SV2B: variants seen among roughly 807,000 people sequenced by gnomAD.
The protein encoded by SV2B is synaptic vesicle glycoprotein 2B.
A neutral mutation model predicts 73.9 loss-of-function variants in SV2B; 41 were observed. The ratio of observed to expected loss-of-function variants is 0.56; its 90% CI spans 0.43 to 0.72. The LOEUF (loss-of-function observed/expected upper bound fraction) is 0.72. Ranked by LOEUF, SV2B falls within the 30% of genes least tolerant of loss-of-function variation. The probability of loss-of-function intolerance (pLI) is 0.00; values close to 1 mark genes in which losing one functional copy is unlikely to be tolerated. For missense variants in SV2B, 764 were observed against 857.8 expected (o/e 0.89, Z 1.37); for synonymous variants, 314 against 314.2 (o/e 1.00, Z 0.01).
chr15:91,200,858 C>A (rs80289545), intron 1 of SV2B, among the ~76,000 whole-genome samples: 1 of 152,078 alleles, frequency 6.6e-6, no homozygotes, highest in South Asian at 2.1e-4. Flanking sequence ...CTGCAGTGAG[C>A]CATGATCGTG....
chr15:91,297,792 GA>G lies in SV2B; in HGVS notation c.*5244del, dbSNP rs1413977835. ...GCAACAGTAACCCAAAAATGTCAAT[GA>G]AAATATTTCCTTCCCCAGAAACTGC... On this transcript the variant is annotated 3_prime_UTR_variant, in exon 13 of 13. Transcript: ENST00000394232. The surrounding 1 kb of genome is among the most constrained non-coding windows in gnomAD (Gnocchi z 5.1). The G allele has an allele frequency of 6.6e-6, 1 of 152,178 alleles. No individual in the cohort carries two copies. Among genetic ancestry groups the G allele is most frequent in the African/African-American group, 2.4e-5 (1 of 41,430 alleles). 9.4% of individuals were successfully genotyped at this position (152,178 alleles called of 1,614,324 possible). A position where few individuals can be genotyped will look rare whatever the true frequency, so the allele number is the denominator to read the frequency against.
chr15:91,262,650 C>G (rs1319552892), intron 6 of SV2B, among the ~76,000 whole-genome samples: 1 of 151,444 alleles, frequency 6.6e-6, no homozygotes, highest in Non-Finnish European at 1.5e-5. Flanking sequence ...GTTGGTTGTT[C>G]CCTTCTTTGT....
rs1200789480 is a variant in SV2B at position 91,188,288 on chromosome 15, TTTATTTATTTATTTATTTA to T, written c.-391-37582_-391-37564del. Among the ~76,000 whole-genome samples, 22 of 28,428 alleles carry T rather than the reference TTTATTTATTTATTTATTTA, an allele frequency of 7.7e-4. 1 individual carries two copies. Among genetic ancestry groups the T allele is most frequent in the Admixed American group, 6.5e-3 (21 of 3,240 alleles). 18.6% of individuals were successfully genotyped at this position (28,428 alleles called of 152,430 possible). ...GACAAAAGAATGTTCCTTATTTTTA[TTTATTTATTTATTTATTTA>T]TTTATTTATTTATTTATTTATTTTG... On this transcript the variant is annotated intron_variant, in intron 1 of 12. Transcript: ENST00000394232.
At chr15:91,230,068 C>A (rs939716042) in intron 2 of SV2B, among the ~76,000 whole-genome samples, 1 of 151,910 alleles carries the variant, frequency 6.6e-6, no homozygotes, top group Non-Finnish European at 1.5e-5. Flanking sequence ...TGGTGAAACC[C>A]GTGTCTACAA....
At position 91,234,862 on chromosome 15, in the gene SV2B, C is replaced by T. The variant is rs1049114905; in HGVS notation, c.451+8148C>T. ...ATTGGGGAAAGGAAAATAGTCAGAC[C>T]TTTTGAAGATACTTGCTCTGAACTG... On this transcript the variant is annotated intron_variant, in intron 2 of 12. Transcript: ENST00000394232. The surrounding 1 kb of genome is among the most constrained non-coding windows in gnomAD (Gnocchi z 5.6). 6.6e-6 allele frequency among the ~76,000 whole-genome samples: 1 copy of T among 152,116 alleles called. No individual in the cohort carries two copies. Among genetic ancestry groups the T allele is most frequent in the African/African-American group, 2.4e-5 (1 of 41,418 alleles).
chr15:91,281,650 C>G lies in SV2B; in HGVS notation c.1374-78C>G. ...TTGCTTGCACATCTCCTTTTTCTGC[C>G]TTGCTGTGTTTTCCATTTTGGTCTT... On this transcript the variant is annotated intron_variant, in intron 9 of 12. Transcript: ENST00000394232. This position sits in a 1 kb window ranked among gnomAD's most constrained non-coding sequence, Gnocchi z 4.7. 1 of 1,485,714 alleles carries G rather than the reference C, an allele frequency of 6.7e-7. No homozygotes were observed. The highest frequency in any genetic ancestry group is 9.0e-7 in the Non-Finnish European group (1 of 1,105,754). 92.0% of individuals were successfully genotyped at this position (1,485,714 alleles called of 1,614,324 possible).
At position 91,136,780 on chromosome 15, in the gene SV2B, C is replaced by T. The variant is rs2042841188; in HGVS notation, c.-392+36417C>T. On this transcript the variant is annotated intron_variant, in intron 1 of 12. Transcript: ENST00000394232. The surrounding 1 kb of genome is among the most constrained non-coding windows in gnomAD (Gnocchi z 5.6). Reference sequence around the variant, plus strand: ...GGGTTGACCAGCTCTCCTGCTGTGCCAAGAGGCATCTGAAGGCTGGCACAT... The same window carrying T: ...GGGTTGACCAGCTCTCCTGCTGTGCTAAGAGGCATCTGAAGGCTGGCACAT... Among the ~76,000 whole-genome samples the T allele has an allele frequency of 6.6e-6, 1 of 152,068 alleles. No homozygotes were observed. The highest frequency in any genetic ancestry group is 2.1e-4 in the South Asian group (1 of 4,814).
chr15:91,211,968 G>T (rs149118999), intron 1 of SV2B, among the ~76,000 whole-genome samples: 219 of 152,084 alleles, frequency 1.4e-3, no homozygotes, highest in African/African-American at 5.1e-3. Context: ...TAGACTTTCA[G>T]CCAGAAGAAT....
chr15:91,153,078 G>C (rs142481249), intron 1 of SV2B, among the ~76,000 whole-genome samples: 1 of 152,278 alleles, frequency 6.6e-6, no homozygotes, highest in East Asian at 1.9e-4. Flanking sequence ...ATGCAGAAGG[G>C]CTAAAGGGAT....
Position 91,284,319 on chromosome 15 carries a change from C to T in SV2B, c.1708+98C>T, listed in dbSNP as rs1015437316. 6 of 1,348,236 alleles carry T rather than the reference C, an allele frequency of 4.5e-6. No homozygotes were observed. Among genetic ancestry groups the T allele is most frequent in the African/African-American group, 1.4e-5 (1 of 69,126 alleles). The allele number at this position is 1,348,236 out of a possible 1,614,324, so 83.5% of individuals were successfully genotyped here. A position where few individuals can be genotyped will look rare whatever the true frequency, so the allele number is the denominator to read the frequency against. ...AAATTTTCCCTTTTATTAAATAATTCTTGCACAACAAACCCAACAAGTAAG... is the reference window on the plus strand; with the variant it reads ...AAATTTTCCCTTTTATTAAATAATTTTTGCACAACAAACCCAACAAGTAAG... On this transcript the variant is annotated intron_variant, in intron 11 of 12. Transcript: ENST00000394232. This position sits in a 1 kb window ranked among gnomAD's most constrained non-coding sequence, Gnocchi z 4.5.
At chr15:91,263,894 A>T (rs750552975) in intron 6 of SV2B, among the ~76,000 whole-genome samples, 3 of 152,224 alleles carry the variant, frequency 2.0e-5, no homozygotes, top group Non-Finnish European at 4.4e-5. Context: ...CTTTCGAATA[A>T]AACAGTTCCT....
chr15:91,216,687 T>C (rs2046038547), intron 1 of SV2B, among the ~76,000 whole-genome samples: 1 of 151,846 alleles, frequency 6.6e-6, no homozygotes, highest in Admixed American at 6.6e-5. Context: ...GTCAGGCTGG[T>C]CTCGAACTTC....
At chr15:91,109,478 A>G (rs776668588) in intron 1 of SV2B, among the ~76,000 whole-genome samples, 5 of 152,246 alleles carry the variant, frequency 3.3e-5, no homozygotes, top group Non-Finnish European at 7.3e-5. Context: ...TGATCATTTC[A>G]TGAGAGAAAC....
At chr15:91,243,143 T>C (rs2047087911) in intron 2 of SV2B, among the ~76,000 whole-genome samples, 1 of 152,168 alleles carries the variant, frequency 6.6e-6, no homozygotes, top group African/African-American at 2.4e-5. Flanking sequence ...TTCCACCCTC[T>C]AGCAATGACC....
rs1782887534 is a variant in SV2B at position 91,110,180 on chromosome 15, AATGACC to A, written c.-392+9822_-392+9827del. 6.6e-6 allele frequency among the ~76,000 whole-genome samples: 1 copy of A among 152,164 alleles called. No individual in the cohort carries two copies. Among genetic ancestry groups the A allele is most frequent in the African/African-American group, 2.4e-5 (1 of 41,430 alleles). On this transcript the variant is annotated intron_variant, in intron 1 of 12. Coordinates refer to ENST00000394232, the MANE Select transcript of SV2B (RefSeq NM_001323032.3). This position sits in a 1 kb window ranked among gnomAD's most constrained non-coding sequence, Gnocchi z 5.4. ...GTTCATTTGCATGTTTCTCTCATGA[AATGACC>A]ATGAAAACAGAATTGTAATTTATAA...
At chr15:91,271,493 A>T (rs764817117) in intron 9 of SV2B, among the ~76,000 whole-genome samples, 4 of 152,178 alleles carry the variant, frequency 2.6e-5, no homozygotes, top group Non-Finnish European at 5.9e-5. Context: ...AAATGTACAT[A>T]GATGCTTTTG....
Position 91,296,115 on chromosome 15 carries a change from C to G in SV2B, c.*3563C>G, listed in dbSNP as rs2049212804. The stretch of plus-strand genomic sequence containing the variant: ...AAATGATGCCCTTGCCCATTTTCTA[C>G]AGACCTAATCGATTTTTACCTAATC... On this transcript the variant is annotated 3_prime_UTR_variant, in exon 13 of 13. Coordinates refer to ENST00000394232, the MANE Select transcript of SV2B (RefSeq NM_001323032.3). 1 of 151,976 alleles carries G rather than the reference C, an allele frequency of 6.6e-6. No homozygotes were observed. Among genetic ancestry groups the G allele is most frequent in the African/African-American group, 2.4e-5 (1 of 41,370 alleles). The allele number at this position is 151,976 out of a possible 1,614,324, so 9.4% of individuals were successfully genotyped here. A position where few individuals can be genotyped will look rare whatever the true frequency, so the allele number is the denominator to read the frequency against.
At chr15:91,134,781 C>T (rs1334811207) in intron 1 of SV2B, among the ~76,000 whole-genome samples, 1 of 152,194 alleles carries the variant, frequency 6.6e-6, no homozygotes, top group Non-Finnish European at 1.5e-5. Flanking sequence ...AAGCAAACAA[C>T]CCCAATAAAA....
intron 6 of SV2B, among the ~76,000 whole-genome samples, chr15:91,262,098 G>C (rs2047928792): frequency 1.3e-5 from 2 of 152,180 alleles, no homozygotes; most frequent in Non-Finnish European, 1.5e-5. Flanking sequence ...CACGGTGGCT[G>C]AGCACCTGCA....
Sources: gnomAD v4.1 joint callset for allele counts (sites outside exome capture counted in the v4.1 genomes callset) on GRCh38, gnomAD v4.1.1 for gene constraint, Gnocchi (gnomAD v3.1) non-coding constraint, MANE v1.5 for transcripts, NCBI Gene and HGNC (gene_info 2026-07-23, HGNC 2026-07-21) for gene names.